The following GALNTL6 variants were observed in gnomAD, a reference collection of about 807,000 sequenced individuals.
GALNTL6 encodes the protein polypeptide N-acetylgalactosaminyltransferase-like 6.
Under a neutral mutation model 73.7 loss-of-function variants are expected in GALNTL6, and 46 were observed. That is an observed-to-expected ratio of 0.62 (90% CI 0.49 to 0.80). GALNTL6 has a LOEUF of 0.80. GALNTL6 is among the 30% of genes least tolerant of loss of function. The pLI is 0.00. For missense variants in GALNTL6, 604 were observed against 755.0 expected, an observed-to-expected ratio of 0.80 and a Z score of 2.34; for synonymous variants, 259 against 263.7, an observed-to-expected ratio of 0.98 and a Z score of 0.17.
intron 5 of GALNTL6, among the ~76,000 whole-genome samples, chr4:172,352,025 A>G (rs1374514958): frequency 6.6e-6 from 1 of 152,184 alleles, no homozygotes; most frequent in Admixed American, 6.5e-5. Flanking sequence ...TAGACATGTC[A>G]TTAGCATGAG....
intron 2 of GALNTL6, among the ~76,000 whole-genome samples, chr4:171,922,184 C>A (rs1737809610): frequency 6.6e-6 from 1 of 151,650 alleles, no homozygotes; most frequent in African/African-American, 2.4e-5. Flanking sequence ...TGGGGCTGGG[C>A]CAATAAGCTT....
At position 171,814,574 on chromosome 4, in the gene GALNTL6, A is replaced by C. The variant is rs200773736; in HGVS notation, c.-7A>C. ...CCTTTAACTTTTCTTCTCTGTTACC[A>C]TTTGCAATGAAGAGGAAACAGAAGA... On this transcript the variant is annotated 5_prime_UTR_variant, in exon 2 of 13. Coordinates refer to ENST00000506823, the MANE Select transcript of GALNTL6 (RefSeq NM_001034845.3). The C allele has an allele frequency of 2.2e-5, 35 of 1,613,546 alleles. No individual in the cohort carries two copies. The African/African-American group carries it at 4.5e-4, about 21-fold the overall frequency.
chr4:172,632,463 A>G (rs1202271854), intron 5 of GALNTL6, among the ~76,000 whole-genome samples: 1 of 152,152 alleles, frequency 6.6e-6, no homozygotes, highest in Admixed American at 6.5e-5. Flanking sequence ...TTGTTATGCA[A>G]AAAGACTGGT....
intron 8 of GALNTL6, among the ~76,000 whole-genome samples, chr4:172,898,469 CATAAA>C (rs1360160688): frequency 1.3e-5 from 2 of 150,880 alleles, no homozygotes; most frequent in Non-Finnish European, 3.0e-5. Context: ...AAAAAGATCT[CATAAA>C]ATAAAACTTT....
intron 2 of GALNTL6, among the ~76,000 whole-genome samples, chr4:171,967,582 A>G (rs1739429106): frequency 1.3e-5 from 2 of 151,586 alleles, no homozygotes; most frequent in African/African-American, 4.9e-5. Context: ...TCTAATTTAT[A>G]ATTTATTAGA....
At chr4:172,312,962 T>C (rs1486665150) in intron 4 of GALNTL6, among the ~76,000 whole-genome samples, 1 of 152,186 alleles carries the variant, frequency 6.6e-6, no homozygotes, top group Non-Finnish European at 1.5e-5. Flanking sequence ...ATCCCCACGT[T>C]ACCTGAAATT....
chr4:171,864,397 C>A (rs1470828824), intron 2 of GALNTL6, among the ~76,000 whole-genome samples: 1 of 152,054 alleles, frequency 6.6e-6, no homozygotes, highest in Non-Finnish European at 1.5e-5. Context: ...TGATTAAATT[C>A]TTCAGGAACT....
chr4:172,687,484 T>C (rs966600316), intron 5 of GALNTL6, among the ~76,000 whole-genome samples: 2 of 151,862 alleles, frequency 1.3e-5, no homozygotes, highest in African/African-American at 4.8e-5. Context: ...AAACATTATC[T>C]GGGCACAGAG....
chr4:172,372,756 C>G (rs1211025615), intron 5 of GALNTL6, among the ~76,000 whole-genome samples: 1 of 152,192 alleles, frequency 6.6e-6, no homozygotes, highest in African/African-American at 2.4e-5. Flanking sequence ...TATTTGCTCT[C>G]TGGGTCTCCT....
At chr4:172,956,801 G>A (rs1482998273) in intron 10 of GALNTL6, among the ~76,000 whole-genome samples, 1 of 152,204 alleles carries the variant, frequency 6.6e-6, no homozygotes, top group African/African-American at 2.4e-5. Flanking sequence ...TGAGCTTGGT[G>A]AGGTGTGTCT....
intron 5 of GALNTL6, among the ~76,000 whole-genome samples, chr4:172,652,222 C>A (rs1326494809): frequency 6.6e-6 from 1 of 152,182 alleles, no homozygotes; most frequent in Non-Finnish European, 1.5e-5. Context: ...CAGTTGCAAT[C>A]TCCAAATTCA....
intron 2 of GALNTL6, among the ~76,000 whole-genome samples, chr4:172,194,630 G>T (rs955357882): frequency 3.3e-5 from 5 of 152,116 alleles, no homozygotes; most frequent in Non-Finnish European, 5.9e-5. Context: ...AAGAGATTGG[G>T]GAACTAACAT....
intron 2 of GALNTL6, among the ~76,000 whole-genome samples, chr4:171,969,159 C>G (rs1271912224): frequency 6.6e-6 from 1 of 152,102 alleles, no homozygotes; most frequent in Non-Finnish European, 1.5e-5. Flanking sequence ...AAATACTCCT[C>G]ACATGATACT....
rs376255863 is a variant in GALNTL6 at position 172,845,035 on chromosome 4, GA to G, written c.923+31315del. On this transcript the variant is annotated intron_variant, in intron 7 of 12. Transcript: ENST00000506823. Reference sequence around the variant, plus strand: ...TAGAGACCATCCTGGCCAACATGGTGAAACCCCATCTCTACTAAAAACAAAA... The same window carrying G: ...TAGAGACCATCCTGGCCAACATGGTGAACCCCATCTCTACTAAAAACAAAA... Among the ~76,000 whole-genome samples, 15 of 152,058 alleles carry G rather than the reference GA, an allele frequency of 9.9e-5. No individual in the cohort carries two copies. In the East Asian group the frequency reaches 2.1e-3, roughly 22 times the overall value.
intron 2 of GALNTL6, among the ~76,000 whole-genome samples, chr4:171,824,167 G>C (rs1004585331): frequency 1.1e-4 from 16 of 148,416 alleles, no homozygotes; most frequent in Admixed American, 9.4e-4. Context: ...AGTTGTCAAG[G>C]TAGTACAGGG....
At chr4:171,876,495 G>C (rs911668882) in intron 2 of GALNTL6, among the ~76,000 whole-genome samples, 6 of 152,020 alleles carry the variant, frequency 3.9e-5, no homozygotes, top group African/African-American at 1.4e-4. Context: ...AAAATATTTG[G>C]TTAGTTTTAA....
At chr4:171,926,990 T>C (rs984500070) in intron 2 of GALNTL6, among the ~76,000 whole-genome samples, 3 of 152,228 alleles carry the variant, frequency 2.0e-5, no homozygotes, top group Admixed American at 1.3e-4. Flanking sequence ...TCCTCATATT[T>C]CTTTTAGAAT....
At chr4:172,120,987 G>A (rs576880708) in intron 2 of GALNTL6, among the ~76,000 whole-genome samples, 87 of 151,976 alleles carry the variant, frequency 5.7e-4, no homozygotes, top group African/African-American at 1.8e-3. Flanking sequence ...CTGTGTTTAG[G>A]TTGATTGTGT....
chr4:172,819,047 A>G (rs1475416559), intron 7 of GALNTL6, among the ~76,000 whole-genome samples: 1 of 152,216 alleles, frequency 6.6e-6, no homozygotes, highest in East Asian at 1.9e-4. Flanking sequence ...AAGGACCTCA[A>G]GTTAGGCACT....
Sources: gnomAD v4.1 joint callset for allele counts (sites outside exome capture counted in the v4.1 genomes callset) on GRCh38, gnomAD v4.1.1 for gene constraint, MANE v1.5 for transcripts, NCBI Gene and HGNC (gene_info 2026-07-23, HGNC 2026-07-21) for gene names.